FBXL4: variants seen among roughly 807,000 people sequenced by gnomAD.
FBXL4 encodes F-box and leucine rich repeat protein 4, also known as F-box/LRR-repeat protein 4.
Under a neutral mutation model 58.9 loss-of-function variants are expected in FBXL4, and 40 were observed. The ratio of observed to expected loss-of-function variants is 0.68; its 90% CI spans 0.53 to 0.88. The LOEUF (loss-of-function observed/expected upper bound fraction) is 0.88, where lower values mean the gene tolerates loss of function less well. Among genes scored for constraint, FBXL4 ranks in the 40% least tolerant of loss-of-function variants. The pLI is 0.00. For synonymous variants in FBXL4, 263 were observed against 265.5 expected (o/e 0.99, Z 0.09); for missense variants, 676 against 734.4 (o/e 0.92, Z 0.92).
At chr6:98,919,001 A>G (rs1772478956) in intron 4 of FBXL4, among the ~76,000 whole-genome samples, 1 of 152,032 alleles carries the variant, frequency 6.6e-6, no homozygotes, top group African/African-American at 2.4e-5. Flanking sequence ...CCAATGACCT[A>G]CTGAGATCTA....
intron 7 of FBXL4, among the ~76,000 whole-genome samples, chr6:98,894,495 A>T (rs1423397962): frequency 6.6e-6 from 1 of 152,104 alleles, no homozygotes; most frequent in Non-Finnish European, 1.5e-5. Context: ...TTCACTAGTA[A>T]TTCTGGGATT....
At chr6:98,911,839 G>A (rs927811173) in intron 5 of FBXL4, among the ~76,000 whole-genome samples, 7 of 152,198 alleles carry the variant, frequency 4.6e-5, no homozygotes, top group Admixed American at 2.6e-4. Flanking sequence ...TGACTTTGAC[G>A]ACTTGAGAGA....
chr6:98,899,454 T>C lies in FBXL4; in HGVS notation c.1131A>G (p.Leu377=). ...GGCTGCAAGACAATTCAAGGCGTAC[T>C]AATTCGGATCCACAAACCTTCAGAA... is the stretch of plus-strand genomic sequence containing the variant. ...SRFLKVCGSE[L]VRLELSCSHF... Residue 377 remains leucine, a synonymous_variant, in exon 7 of 10, where the codon TTA becomes TTG. Transcript: ENST00000369244. The C allele has an allele frequency of 6.2e-7, 1 of 1,613,738 alleles. No homozygotes were observed. Among genetic ancestry groups the C allele is most frequent in the South Asian group, 1.1e-5 (1 of 91,044 alleles).
chr6:98,936,104 A>G (rs1773207970), intron 1 of FBXL4, among the ~76,000 whole-genome samples: 1 of 152,194 alleles, frequency 6.6e-6, no homozygotes, highest in Non-Finnish European at 1.5e-5. Context: ...TCCAAGGACA[A>G]TACACCTGTC....
At position 98,869,282 on chromosome 6, in the gene FBXL4, GTAATAGGTATCCTT is replaced by G. The variant is rs1260532717; in HGVS notation, c.*4982_*4995del. ...TTTGAAAATGTAAATTCCTGTGTCTGTAATAGGTATCCTTTAATAGCTGAAAGTAACAAATGAAA... is the reference window on the plus strand; with the variant it reads ...TTTGAAAATGTAAATTCCTGTGTCTGTAATAGCTGAAAGTAACAAATGAAA... On this transcript the variant is annotated 3_prime_UTR_variant, in exon 10 of 10. Coordinates refer to ENST00000369244, the MANE Select transcript of FBXL4 (RefSeq NM_001278716.2). The G allele has an allele frequency of 6.6e-6, 1 of 152,200 alleles. No homozygotes were observed. The highest frequency in any genetic ancestry group is 1.5e-5 in the Non-Finnish European group (1 of 68,034). The allele number at this position is 152,200 out of a possible 1,614,324, so 9.4% of individuals were successfully genotyped here. A position where few individuals can be genotyped will look rare whatever the true frequency, so the allele number is the denominator to read the frequency against.
At chr6:98,943,154 A>G (rs1241101023) in intron 1 of FBXL4, among the ~76,000 whole-genome samples, 1 of 151,426 alleles carries the variant, frequency 6.6e-6, no homozygotes, top group Non-Finnish European at 1.5e-5. Context: ...GCAAGGTGTT[A>G]CCATAGGTGG....
rs1358019444 is a variant in FBXL4, at chr6:98,880,581, T to G, written c.1361A>C (p.Gln454Pro). Residue 454 changes from glutamine to proline, a missense_variant, in exon 8 of 10, where the codon CAG (glutamine) becomes CCG (proline). By Grantham distance (76) the Gln-to-Pro change is moderately conservative. Coordinates refer to ENST00000369244, the MANE Select transcript of FBXL4 (RefSeq NM_001278716.2). ...GACACAACTGCCTAAACTGAGGTGC[T>G]GAAGCTCTGAACAGAAGTTCAAAAT... ...LSILNFCSEL[Q>P]HLSLGSCVMI... The G allele has an allele frequency of 1.9e-6, 3 of 1,613,972 alleles. No individual in the cohort carries two copies. Among genetic ancestry groups the G allele is most frequent in the Non-Finnish European group, 2.5e-6 (3 of 1,179,906 alleles).
chr6:98,905,481 G>A lies in FBXL4; in HGVS notation c.1048C>T (p.Leu350Phe). 1 of 1,613,970 alleles carries A rather than the reference G, an allele frequency of 6.2e-7. No individual in the cohort carries two copies. The highest frequency in any genetic ancestry group is 8.5e-7 in the Non-Finnish European group (1 of 1,179,942). The change falls in exon 6 of 10, where the codon CTT becomes TTT. Residue 350 changes from leucine to phenylalanine, a missense_variant. Leu to Phe is a conservative substitution (Grantham distance 22, BLOSUM62 0). Coordinates refer to ENST00000369244, the MANE Select transcript of FBXL4 (RefSeq NM_001278716.2). The part of the protein sequence containing the change: ...LQSRCTLVQW[L>F]NLSWTGNRGF... ...CTATTGCCAGTCCAAGATAAATTAA[G>A]CCACTGGACAAGAGTGCAGCGAGAC...
chr6:98,933,244 T>C (rs1773080583), intron 2 of FBXL4, among the ~76,000 whole-genome samples: 1 of 152,216 alleles, frequency 6.6e-6, no homozygotes, highest in Non-Finnish European at 1.5e-5. Context: ...ATGCCCCCTC[T>C]TGCCTCTGGT....
rs770241351 is a variant in FBXL4, at chr6:98,905,518, C to A, written c.1011G>T (p.Leu337=). The A allele has an allele frequency of 2.5e-6, 4 of 1,613,844 alleles. No homozygotes were observed. The East Asian group carries it at 8.9e-5, about 36-fold the overall frequency. Residue 337 remains leucine, a synonymous_variant, in exon 6 of 10, where the codon CTG becomes CTT. Transcript: ENST00000369244. ...GAGTGCAGCGAGACTGTAGAAATTC[C>A]AGAGAAGTGTCATCTAGTTTTGCCC... ...PYWAKLDDTS[L]EFLQSRCTLV...
intron 7 of FBXL4, among the ~76,000 whole-genome samples, chr6:98,892,514 A>T (rs1208958846): frequency 2.6e-5 from 4 of 152,228 alleles, no homozygotes; most frequent in Non-Finnish European, 4.4e-5. Context: ...TTTAAATCAA[A>T]TAAGAATGCA....
intron 5 of FBXL4, among the ~76,000 whole-genome samples, chr6:98,907,393 T>C (rs758040572): frequency 1.3e-5 from 2 of 152,170 alleles, no homozygotes; most frequent in Non-Finnish European, 2.9e-5. Context: ...ATGGGGCTAA[T>C]ACAGAATTCT....
intron 1 of FBXL4, among the ~76,000 whole-genome samples, chr6:98,936,970 T>C (rs977659712): frequency 5.3e-5 from 8 of 152,188 alleles, no homozygotes; most frequent in Admixed American, 2.6e-4. Context: ...CAGTTGACCC[T>C]TGAACAATGT....
intron 5 of FBXL4, among the ~76,000 whole-genome samples, chr6:98,906,791 T>C (rs1265907104): frequency 2.6e-5 from 4 of 152,186 alleles, no homozygotes; most frequent in African/African-American, 9.7e-5. Flanking sequence ...CCACCAACAG[T>C]GTAAAGACAT....
At chr6:98,895,635 A>G (rs1190436567) in intron 7 of FBXL4, among the ~76,000 whole-genome samples, 1 of 152,198 alleles carries the variant, frequency 6.6e-6, no homozygotes, top group African/African-American at 2.4e-5. Flanking sequence ...TAATTTAATT[A>G]TGTGTAAAGA....
intron 4 of FBXL4, among the ~76,000 whole-genome samples, chr6:98,917,976 A>T (rs1211569690): frequency 6.6e-6 from 1 of 152,232 alleles, no homozygotes; most frequent in Non-Finnish European, 1.5e-5. Flanking sequence ...AAACTGGAAC[A>T]TGTAGTTAGA....
rs556699635 is a variant in FBXL4 at position 98,909,810 on chromosome 6, G to A, written c.859-4140C>T. On this transcript the variant is annotated intron_variant, in intron 5 of 9. Coordinates refer to ENST00000369244, the MANE Select transcript of FBXL4 (RefSeq NM_001278716.2). Reference sequence around the variant, plus strand: ...AGGCCAGTTTTGTCCAATCTGTGAAGCTCCCTTTCCATCACATGAGGTCTG... The same window carrying A: ...AGGCCAGTTTTGTCCAATCTGTGAAACTCCCTTTCCATCACATGAGGTCTG... Among the ~76,000 whole-genome samples, 6 of 152,160 alleles carry A rather than the reference G, an allele frequency of 3.9e-5. No individual in the cohort carries two copies. The East Asian group carries it at 1.2e-3, about 29-fold the overall frequency.
intron 7 of FBXL4, among the ~76,000 whole-genome samples, chr6:98,893,621 C>A (rs936396094): frequency 6.6e-6 from 1 of 152,182 alleles, no homozygotes; most frequent in South Asian, 2.1e-4. Flanking sequence ...GCCCATAACA[C>A]AAGTATTTGA....
chr6:98,909,077 G>A (rs951013147), intron 5 of FBXL4, among the ~76,000 whole-genome samples: 5 of 152,082 alleles, frequency 3.3e-5, no homozygotes, highest in African/African-American at 7.2e-5. Flanking sequence ...AAGGAAAACC[G>A]ATATTTTTAC....
Sources: allele counts gnomAD v4.1 joint callset (sites outside exome capture counted in the v4.1 genomes callset), GRCh38; gene constraint gnomAD v4.1.1; transcripts MANE v1.5; gene names NCBI Gene and HGNC (gene_info 2026-07-23, HGNC 2026-07-21).